Variants in RIC1 observed in about 807,000 individuals in gnomAD.
The protein encoded by RIC1 is guanine nucleotide exchange factor subunit RIC1.
In RIC1, 88 loss-of-function variants were observed where a neutral mutation model predicts 169.0. The observed-to-expected ratio is 0.52, with a 90% CI of 0.44 to 0.62. The LOEUF (loss-of-function observed/expected upper bound fraction) is 0.62. RIC1 is among the 20% of genes least tolerant of loss of function. The pLI is 0.00. For missense variants in RIC1, 1,877 were observed against 1,725.5 expected (o/e 1.09, Z -1.56); for synonymous variants, 790 against 601.5 (o/e 1.31, Z -4.59).
At chr9:5,767,259 C>T (rs1377118102) in intron 21 of RIC1, among the ~76,000 whole-genome samples, 2 of 152,182 alleles carry the variant, frequency 1.3e-5, no homozygotes, top group Admixed American at 6.5e-5. Context: ...AGTTATTACA[C>T]AGTCGGGGAG....
At chr9:5,767,051 C>T (rs1375968836) in intron 21 of RIC1, among the ~76,000 whole-genome samples, 1 of 152,142 alleles carries the variant, frequency 6.6e-6, no homozygotes, top group African/African-American at 2.4e-5. Flanking sequence ...GGTGGCATTG[C>T]GTTGTGGTTT....
intron 12 of RIC1, among the ~76,000 whole-genome samples, chr9:5,752,444 GTTTTTTT>G (rs1218737207): frequency 7.1e-6 from 1 of 140,364 alleles, no homozygotes; most frequent in Non-Finnish European, 1.6e-5. Flanking sequence ...GTTTTTTTTT[GTTTTTTT>G]TTTTTGGAGA....
intron 25 of RIC1, 36 bp downstream of exon 25, chr9:5,773,116 A>C (rs754225438): frequency 6.9e-7 from 1 of 1,447,332 alleles, no homozygotes; most frequent in Admixed American, 2.1e-5. Context: ...GTGTCCTTCC[A>C]TGTCTTTTGG....
intron 4 of RIC1, among the ~76,000 whole-genome samples, chr9:5,719,888 TTTC>T (rs1025658738): frequency 6.6e-6 from 1 of 152,250 alleles, no homozygotes; most frequent in African/African-American, 2.4e-5. Context: ...TTTTTCTTTC[TTTC>T]TGCTATCACT....
chr9:5,674,136 CAT>C (rs1326545942), intron 2 of RIC1, among the ~76,000 whole-genome samples: 1 of 151,996 alleles, frequency 6.6e-6, no homozygotes. Flanking sequence ...CTGGAAAAGA[CAT>C]AAGGACTACA....
At chr9:5,737,114 C>G (rs10758706) in intron 7 of RIC1, among the ~76,000 whole-genome samples, 81,288 of 151,954 alleles carry the variant, frequency 0.53, 22,564 homozygotes, top group East Asian at 0.85. Context: ...CATAAGTAAT[C>G]TAAAACAGGA....
intron 6 of RIC1, 123 bp from the exon 7 acceptor site, chr9:5,732,265 T>G: frequency 1.4e-6 from 1 of 722,768 alleles, no homozygotes; most frequent in East Asian, 2.7e-5. Context: ...TGGGATATTT[T>G]CCTCTGCAGA....
In RIC1 at chr9:5,755,060, T is replaced by G. The variant is rs1232442148; in HGVS notation, c.1692+130T>G. On this transcript the variant is annotated intron_variant, in intron 15 of 25. Transcript: ENST00000414202. Reference sequence around the variant, plus strand: ...TTATTTTTTAATCAAGAATGTAGCTTCTTTTAGGTAGTGGGATTTTCTTTT... The same window carrying G: ...TTATTTTTTAATCAAGAATGTAGCTGCTTTTAGGTAGTGGGATTTTCTTTT... 4 of 510,012 alleles carry G rather than the reference T, an allele frequency of 7.8e-6. No individual in the cohort carries two copies. The South Asian group carries it at 1.7e-4, about 22-fold the overall frequency. The allele number at this position is 510,012 out of a possible 1,614,324, so 31.6% of individuals were successfully genotyped here.
rs771322640 is a variant in RIC1 at position 5,776,285 on chromosome 9, A to G, written c.*2039A>G. 10 of 152,188 alleles carry G rather than the reference A, an allele frequency of 6.6e-5. No individual in the cohort carries two copies. Among genetic ancestry groups the G allele is most frequent in the African/African-American group, 2.2e-4 (9 of 41,460 alleles). The allele number at this position is 152,188 out of a possible 1,614,324, so 9.4% of individuals were successfully genotyped here. A position where few individuals can be genotyped will look rare whatever the true frequency, so the allele number is the denominator to read the frequency against. On this transcript the variant is annotated 3_prime_UTR_variant, in exon 26 of 26. Coordinates refer to ENST00000414202, the MANE Select transcript of RIC1 (RefSeq NM_020829.4). ...CAGAAAATTTGGTAATTTATTTGTT[A>G]TATACCTTAATTTTTAAAAACCCAT...
At chr9:5,731,171 A>C (rs1824351223) in intron 6 of RIC1, among the ~76,000 whole-genome samples, 1 of 152,108 alleles carries the variant, frequency 6.6e-6, no homozygotes, top group Admixed American at 6.6e-5. Flanking sequence ...CTCAAATGTA[A>C]AGCAAGCATA....
At chr9:5,663,214 T>C (rs1819558204) in intron 2 of RIC1, among the ~76,000 whole-genome samples, 1 of 152,216 alleles carries the variant, frequency 6.6e-6, no homozygotes. Flanking sequence ...ATTTCAGTTC[T>C]TTTGCATTTG....
intron 2 of RIC1, among the ~76,000 whole-genome samples, chr9:5,665,533 T>G (rs1435473963): frequency 1.3e-5 from 2 of 152,094 alleles, no homozygotes; most frequent in Non-Finnish European, 1.5e-5. Flanking sequence ...GTTTTTTGAG[T>G]TTTTAGCATT....
At chr9:5,741,873 G>T (rs757568107) in intron 8 of RIC1, among the ~76,000 whole-genome samples, 4 of 152,068 alleles carry the variant, frequency 2.6e-5, no homozygotes, top group Non-Finnish European at 5.9e-5. Flanking sequence ...CATATTTTTT[G>T]TGTGTGTAGC....
intron 2 of RIC1, among the ~76,000 whole-genome samples, chr9:5,678,024 T>G (rs1183727798): frequency 1.4e-5 from 2 of 141,282 alleles, no homozygotes; most frequent in African/African-American, 5.2e-5. Context: ...CAGTCCCCAG[T>G]GTGTGATGTT....
chr9:5,681,778 A>G (rs999238470), intron 2 of RIC1, among the ~76,000 whole-genome samples: 5 of 152,232 alleles, frequency 3.3e-5, no homozygotes, highest in Admixed American at 2.6e-4. Context: ...GTGGGAGTCT[A>G]AGTCTCTTTG....
intron 3 of RIC1, among the ~76,000 whole-genome samples, chr9:5,698,842 A>G (rs961412370): frequency 6.6e-6 from 1 of 152,202 alleles, no homozygotes; most frequent in Non-Finnish European, 1.5e-5. Context: ...TCCATTGCAT[A>G]TTTATGACAA....
chr9:5,629,914 A>G (rs1198491200), intron 1 of RIC1, among the ~76,000 whole-genome samples: 1 of 152,212 alleles, frequency 6.6e-6, no homozygotes, highest in Non-Finnish European at 1.5e-5. Flanking sequence ...GCCAGACTTT[A>G]CAGGCCTGTA....
chr9:5,645,180 A>C (rs911821121), intron 1 of RIC1, among the ~76,000 whole-genome samples: 2 of 151,984 alleles, frequency 1.3e-5, no homozygotes, highest in Non-Finnish European at 2.9e-5. Flanking sequence ...CAGCCTCCCT[A>C]GTAGCTGGGA....
intron 6 of RIC1, among the ~76,000 whole-genome samples, chr9:5,726,536 G>A (rs1029529263): frequency 6.6e-6 from 1 of 152,144 alleles, no homozygotes; most frequent in Non-Finnish European, 1.5e-5. Context: ...TTTAATCGGA[G>A]CATTTAGTCC....
Sources: gnomAD v4.1 joint callset for allele counts (sites outside exome capture counted in the v4.1 genomes callset) on GRCh38, gnomAD v4.1.1 for gene constraint, MANE v1.5 for transcripts, NCBI Gene and HGNC (gene_info 2026-07-23, HGNC 2026-07-21) for gene names.